The following NXPE2 variants were observed in gnomAD, a reference collection of about 807,000 sequenced individuals.
NXPE2 encodes the protein NXPE family member 2.
A neutral mutation model predicts 34.4 loss-of-function variants in NXPE2; 34 were observed. The observed-to-expected ratio is 0.99, with a 90% CI of 0.75 to 1.31. The LOEUF (loss-of-function observed/expected upper bound fraction) is 1.31, where lower values mean the gene tolerates loss of function less well. Ranked by LOEUF, NXPE2 falls within the 40% of genes most tolerant of loss-of-function variation. NXPE2 has a pLI of 0.00. For missense variants in NXPE2, 649 were observed against 672.5 expected, an observed-to-expected ratio of 0.97 and a Z score of 0.39; for synonymous variants, 235 against 231.3, an observed-to-expected ratio of 1.02 and a Z score of -0.15.
chr11:114,581,633 G>A, the NXPE2 span: 1 of 1,011,492 alleles, frequency 9.9e-7, no homozygotes, highest in East Asian at 2.5e-5. Context: ...AGTGCTGATA[G>A]GACTGAAACA....
the NXPE2 span, among the ~76,000 whole-genome samples, chr11:114,773,288 C>CCCCCCCCCCCCCCCCCCCCCG: frequency 2.1e-5 from 2 of 95,870 alleles, 1 homozygote; most frequent in Non-Finnish European, 4.4e-5. Flanking sequence ...CACCCCCCCC[C>CCCCCCCCCCCCCCCCCCCCCG]CACCCCATTC....
the NXPE2 span, chr11:114,551,304 A>G: frequency 2.2e-6 from 3 of 1,362,098 alleles, no homozygotes; most frequent in African/African-American, 1.5e-5. Context: ...TGCCTCCAAC[A>G]TTTTGTTCTC....
the NXPE2 span, among the ~76,000 whole-genome samples, chr11:114,541,877 G>C: frequency 2.0e-5 from 3 of 152,118 alleles, no homozygotes; most frequent in Admixed American, 2.0e-4. Context: ...ATGCTAAACT[G>C]CCTCCCTGCT....
At chr11:114,644,460 AT>A in the NXPE2 span, among the ~76,000 whole-genome samples, 1 of 152,224 alleles carries the variant, frequency 6.6e-6, no homozygotes, top group East Asian at 1.9e-4. Flanking sequence ...AGTTTTTAGC[AT>A]AAAGGAGTGT....
At chr11:114,566,791 A>C in the NXPE2 span, among the ~76,000 whole-genome samples, 6 of 151,918 alleles carry the variant, frequency 3.9e-5, no homozygotes, top group African/African-American at 1.5e-4. Flanking sequence ...TATGTATTTA[A>C]ATTTATGTTT....
the NXPE2 span, among the ~76,000 whole-genome samples, chr11:114,773,218 C>T: frequency 3.3e-5 from 5 of 151,264 alleles, no homozygotes; most frequent in Admixed American, 2.0e-4. Context: ...CTTCAATGGA[C>T]TCCAAGACAG....
At chr11:114,616,850 A>G in the NXPE2 span, among the ~76,000 whole-genome samples, 2 of 150,264 alleles carry the variant, frequency 1.3e-5, no homozygotes, top group African/African-American at 4.9e-5. Context: ...TAGATAATAA[A>G]TATTGCCTCA....
chr11:114,512,460 G>A, the NXPE2 span, among the ~76,000 whole-genome samples: 1 of 152,112 alleles, frequency 6.6e-6, no homozygotes, highest in South Asian at 2.1e-4. Context: ...AGCCACGTAA[G>A]TTTAATAAAG....
the NXPE2 span, among the ~76,000 whole-genome samples, chr11:114,668,115 T>C: frequency 6.6e-6 from 1 of 151,922 alleles, no homozygotes; most frequent in Admixed American, 6.6e-5. Flanking sequence ...TCTTGATAGA[T>C]GGATAGTGTG....
At chr11:114,590,580 T>C in the NXPE2 span, among the ~76,000 whole-genome samples, 1 of 152,208 alleles carries the variant, frequency 6.6e-6, no homozygotes, top group Non-Finnish European at 1.5e-5. Flanking sequence ...AAGCAAGCCT[T>C]ACTTAAGGTA....
chr11:114,783,098 C>T, the NXPE2 span, among the ~76,000 whole-genome samples: 147 of 152,312 alleles, frequency 9.7e-4, no homozygotes, highest in African/African-American at 3.4e-3. Flanking sequence ...AAGTCCAAAA[C>T]GACAATGGGC....
chr11:114,659,643 TATATC>T, the NXPE2 span, among the ~76,000 whole-genome samples: 1 of 152,090 alleles, frequency 6.6e-6, no homozygotes, highest in Non-Finnish European at 1.5e-5. Context: ...ATGAAAATAA[TATATC>T]AAAATATGGG....
At chr11:114,726,618 A>G in the NXPE2 span, among the ~76,000 whole-genome samples, 1 of 152,146 alleles carries the variant, frequency 6.6e-6, no homozygotes, top group Non-Finnish European at 1.5e-5. Context: ...AAAATCTTTA[A>G]TTTTGGTTCC....
At chr11:114,491,843 G>A in the NXPE2 span, among the ~76,000 whole-genome samples, 1 of 152,162 alleles carries the variant, frequency 6.6e-6, no homozygotes, top group Non-Finnish European at 1.5e-5. Context: ...AAAATGAAGA[G>A]TTCATGTCCT....
chr11:114,658,066 C>A, the NXPE2 span, among the ~76,000 whole-genome samples: 1 of 152,138 alleles, frequency 6.6e-6, no homozygotes, highest in Admixed American at 6.6e-5. Context: ...TTAAAATAAA[C>A]CCTGGAGGAC....
the NXPE2 span, among the ~76,000 whole-genome samples, chr11:114,633,314 A>T: frequency 1.4e-5 from 2 of 139,966 alleles, no homozygotes; most frequent in Non-Finnish European, 3.0e-5. Context: ...AAAATATATA[A>T]TTATATTATG....
the NXPE2 span, among the ~76,000 whole-genome samples, chr11:114,593,140 C>G: frequency 6.6e-6 from 1 of 152,162 alleles, no homozygotes; most frequent in South Asian, 2.1e-4. Context: ...GATAAGACCT[C>G]AAATGCACAG....
At chr11:114,614,680 T>C in the NXPE2 span, among the ~76,000 whole-genome samples, 25 of 151,996 alleles carry the variant, frequency 1.6e-4, no homozygotes, top group Non-Finnish European at 2.1e-4. Context: ...GGATAAGTGT[T>C]GCCTCGTGGG....
chr11:114,772,348 A>G, the NXPE2 span, among the ~76,000 whole-genome samples: 2 of 152,142 alleles, frequency 1.3e-5, no homozygotes, highest in Non-Finnish European at 2.9e-5. Context: ...TAAAGCAAAA[A>G]AGGAAACTAT....
Sources: gnomAD v4.1 joint callset for allele counts (sites outside exome capture counted in the v4.1 genomes callset) on GRCh38, gnomAD v4.1.1 for gene constraint, MANE v1.5 for transcripts, NCBI Gene and HGNC (gene_info 2026-07-23, HGNC 2026-07-21) for gene names.